The following AATF variants were observed in gnomAD, a reference collection of about 807,000 sequenced individuals.
The protein encoded by AATF is protein AATF.
Under a neutral mutation model 63.7 loss-of-function variants are expected in AATF, and 48 were observed. The ratio of observed to expected loss-of-function variants is 0.75; its 90% CI spans 0.60 to 0.96. AATF has a LOEUF of 0.96. Among genes scored for constraint, AATF ranks in the 40% least tolerant of loss-of-function variants. The pLI is 0.00. For missense variants in AATF, 639 were observed against 685.7 expected (o/e 0.93, Z 0.76); for synonymous variants, 258 against 247.7 (o/e 1.04, Z -0.39).
chr17:37,056,547 T>A, intron 11 of AATF, 54 bp from the exon 12 acceptor site: 6 of 1,584,116 alleles, frequency 3.8e-6, no homozygotes, highest in Non-Finnish European at 5.2e-6. Flanking sequence ...CGTTCCTTTT[T>A]AACCTTGAAT....
chr17:36,987,356 A>G (rs2071177600), intron 5 of AATF, among the ~76,000 whole-genome samples: 1 of 152,162 alleles, frequency 6.6e-6, no homozygotes, highest in Admixed American at 6.6e-5. Context: ...CCCATACCAT[A>G]TATTGGAATC....
At chr17:36,960,573 C>T (rs2142211588) in intron 4 of AATF, among the ~76,000 whole-genome samples, 1 of 152,294 alleles carries the variant, frequency 6.6e-6, no homozygotes. Context: ...ACTGAAATCC[C>T]CCCCTTTTAA....
intron 4 of AATF, among the ~76,000 whole-genome samples, chr17:36,956,045 G>T (rs193091936): frequency 6.6e-6 from 1 of 152,294 alleles, no homozygotes; most frequent in Admixed American, 6.5e-5. Flanking sequence ...GATTACAGGT[G>T]TGAGCCACCA....
At chr17:37,048,557 G>A (rs139653189) in intron 11 of AATF, among the ~76,000 whole-genome samples, 1 of 151,938 alleles carries the variant, frequency 6.6e-6, no homozygotes, top group East Asian at 1.9e-4. Context: ...TTTTAGTAGA[G>A]ACGAGGTTTC....
chr17:36,965,846 G>C (rs1415628327), intron 4 of AATF, among the ~76,000 whole-genome samples: 2 of 151,660 alleles, frequency 1.3e-5, no homozygotes, highest in Non-Finnish European at 2.9e-5. Flanking sequence ...GGCCTCAGGT[G>C]CGTGCCACCA....
At chr17:37,005,695 T>C (rs1309384346) in intron 8 of AATF, among the ~76,000 whole-genome samples, 1 of 152,214 alleles carries the variant, frequency 6.6e-6, no homozygotes, top group Non-Finnish European at 1.5e-5. Flanking sequence ...AAACCCTTCT[T>C]CCTGCCTTTA....
At chr17:37,053,667 G>T (rs959553035) in intron 11 of AATF, among the ~76,000 whole-genome samples, 1 of 152,200 alleles carries the variant, frequency 6.6e-6, no homozygotes, top group African/African-American at 2.4e-5. Flanking sequence ...AAGAGATGGA[G>T]ACCATCCTGG....
intron 4 of AATF, among the ~76,000 whole-genome samples, chr17:36,962,401 A>C (rs1597701302): frequency 6.6e-6 from 1 of 152,152 alleles, no homozygotes; most frequent in African/African-American, 2.4e-5. Flanking sequence ...ATTCTTATGC[A>C]CTGATTCTAC....
intron 4 of AATF, among the ~76,000 whole-genome samples, chr17:36,978,500 G>A (rs890566538): frequency 5.3e-5 from 8 of 151,936 alleles, no homozygotes; most frequent in African/African-American, 1.9e-4. Flanking sequence ...TCTACATTCT[G>A]CTTTGAAAAG....
chr17:37,009,219 C>T (rs574843791), intron 8 of AATF, among the ~76,000 whole-genome samples: 6 of 152,122 alleles, frequency 3.9e-5, no homozygotes, highest in Admixed American at 2.0e-4. Flanking sequence ...GCAACCTCCA[C>T]CTCCTGGGTT....
chr17:37,044,314 G>A (rs1024158878), intron 11 of AATF, among the ~76,000 whole-genome samples: 13 of 152,144 alleles, frequency 8.5e-5, no homozygotes, highest in African/African-American at 2.9e-4. Context: ...CCATTGCACC[G>A]CTTGAGGGCC....
chr17:37,029,158 A>G (rs890020650), intron 10 of AATF, among the ~76,000 whole-genome samples: 6 of 152,118 alleles, frequency 3.9e-5, no homozygotes, highest in African/African-American at 1.4e-4. Flanking sequence ...TCCTAGGCTT[A>G]AGCAATCCTT....
At chr17:37,031,588 T>TTA (rs758992681) in intron 10 of AATF, 26 bp from the exon 11 acceptor site, 1 of 1,595,454 alleles carries the variant, frequency 6.3e-7, no homozygotes, top group Non-Finnish European at 8.6e-7. Flanking sequence ...CTAATGTTGC[T>TTA]GCCTGTTGCT....
chr17:36,985,982 T>C (rs1418367627), intron 4 of AATF, among the ~76,000 whole-genome samples: 1 of 152,210 alleles, frequency 6.6e-6, no homozygotes, highest in African/African-American at 2.4e-5. Context: ...ATTTTTAATA[T>C]ACAATTCAAT....
intron 11 of AATF, chr17:37,055,327 T>C (rs1345419560): frequency 6.6e-6 from 1 of 152,220 alleles, no homozygotes; most frequent in Non-Finnish European, 1.5e-5. Context: ...TAAGATGTTT[T>C]TCTTTTGACT....
At chr17:36,965,582 C>T (rs1414336639) in intron 4 of AATF, among the ~76,000 whole-genome samples, 1 of 152,172 alleles carries the variant, frequency 6.6e-6, no homozygotes, top group Non-Finnish European at 1.5e-5. Flanking sequence ...TACTATGTGC[C>T]TTATTGTCTT....
chr17:37,054,190 G>A lies in AATF; in HGVS notation c.1620-2411G>A, dbSNP rs1440427741. Reference sequence around the variant, plus strand: ...ACAGTGGGGGTGGCTGGTGGGGGGCGTGTGGGGCGGGGATCTTCATCCCCA... The same window carrying A: ...ACAGTGGGGGTGGCTGGTGGGGGGCATGTGGGGCGGGGATCTTCATCCCCA... On this transcript the variant is annotated intron_variant, in intron 11 of 11. Coordinates refer to ENST00000619387, the MANE Select transcript of AATF (RefSeq NM_012138.4). Among the ~76,000 whole-genome samples, 10 of 150,990 alleles carry A rather than the reference G, an allele frequency of 6.6e-5. No individual in the cohort carries two copies. The South Asian group carries it at 8.4e-4, about 13-fold the overall frequency.
intron 10 of AATF, among the ~76,000 whole-genome samples, chr17:37,022,004 T>C (rs2071475527): frequency 6.6e-6 from 1 of 152,098 alleles, no homozygotes; most frequent in Non-Finnish European, 1.5e-5. Context: ...TTTCTGACTT[T>C]AGGAAAATCC....
chr17:37,047,133 C>T (rs1004394965), intron 11 of AATF, among the ~76,000 whole-genome samples: 2 of 152,050 alleles, frequency 1.3e-5, no homozygotes, highest in African/African-American at 2.4e-5. Context: ...GATGATTTGT[C>T]GTCTTTCCTT....
Sources: allele counts gnomAD v4.1 joint callset (sites outside exome capture counted in the v4.1 genomes callset), GRCh38; gene constraint gnomAD v4.1.1; transcripts MANE v1.5; gene names NCBI Gene and HGNC (gene_info 2026-07-23, HGNC 2026-07-21).